Variants in SNAPC4 observed in about 807,000 individuals in gnomAD.
SNAPC4 encodes snRNA-activating protein complex subunit 4.
In SNAPC4, 127 loss-of-function variants were observed where a neutral mutation model predicts 151.3. The ratio of observed to expected loss-of-function variants is 0.84; its 90% confidence interval spans 0.73 to 0.97. The LOEUF (loss-of-function observed/expected upper bound fraction) is 0.97. Ranked by LOEUF, SNAPC4 falls within the 50% of genes least tolerant of loss-of-function variation. The pLI, the probability that SNAPC4 is intolerant of heterozygous loss-of-function variation, is 0.00. For synonymous variants in SNAPC4, 1,002 were observed against 824.4 expected (o/e 1.22, Z -3.69); for missense variants, 2,186 against 1,935.0 (o/e 1.13, Z -2.43).
intron 13 of SNAPC4, among the ~76,000 whole-genome samples, chr9:136,387,054 T>C (rs954460011): frequency 1.3e-5 from 2 of 152,236 alleles, no homozygotes; most frequent in African/African-American, 4.8e-5. Flanking sequence ...TTCGGAAATA[T>C]ACACTTTAAA....
At chr9:136,396,641 A>G (rs1284969679) in intron 3 of SNAPC4, among the ~76,000 whole-genome samples, 4 of 152,192 alleles carry the variant, frequency 2.6e-5, no homozygotes, top group Non-Finnish European at 4.4e-5. Context: ...GCTGCCCCAC[A>G]GGAATCTGAG....
chr9:136,379,922 C>T, intron 20 of SNAPC4, 58 bp from the exon 21 acceptor site: 1 of 1,548,740 alleles, frequency 6.5e-7, no homozygotes, highest in Non-Finnish European at 8.8e-7. Context: ...GCTTGGACCA[C>T]CTCTCCTAGC....
At chr9:136,380,308 G>C (rs1478610253) in intron 20 of SNAPC4, among the ~76,000 whole-genome samples, 1 of 152,086 alleles carries the variant, frequency 6.6e-6, no homozygotes, top group African/African-American at 2.4e-5. Context: ...AGGCGGGGGG[G>C]CTGGAAGCAC....
chr9:136,377,748 G>T lies in SNAPC4; in HGVS notation c.4079C>A (p.Ala1360Asp). Residue 1360 changes from alanine (A) to aspartate (D), a missense_variant, in exon 22 of 24, where the codon GCC becomes GAC. By Grantham distance (126) the Ala-to-Asp change is moderately radical. Transcript: ENST00000684778. ...GAACCGCGCCCGCAACAGGAGGTAG[G>T]CCGGGTTGTCCTGGAGCTGCCCCCG... ...LVRGQLQDNP[A>D]YLLLRARFLA... 6.2e-7 allele frequency: 1 copy of T among 1,610,526 alleles called. No homozygotes were observed. The highest frequency in any genetic ancestry group is 8.5e-7 in the Non-Finnish European group (1 of 1,178,546).
Position 136,382,180 on chromosome 9 carries a change from C to T in SNAPC4, c.2067+73G>A, listed in dbSNP as rs114163567. The stretch of plus-strand genomic sequence containing the variant: ...TCCACCCCCATCAGGGCATGATCGA[C>T]GGGGAGAGGAATCACTCAGACCAGG... On this transcript the variant is annotated intron_variant, in intron 17 of 23. Coordinates refer to ENST00000684778, the MANE Select transcript of SNAPC4 (RefSeq NM_003086.4). 2.0e-3 allele frequency: 3,114 copies of T among 1,591,870 alleles called. 53 individuals carry two copies. In the African/African-American group the frequency reaches 0.036, roughly 19 times the overall value.
At chr9:136,393,101 G>A (rs1834138318) in intron 7 of SNAPC4, among the ~76,000 whole-genome samples, 2 of 152,236 alleles carry the variant, frequency 1.3e-5, no homozygotes. Flanking sequence ...GCCGTAGGCA[G>A]ATATCCTGAC....
chr9:136,383,398 G>A lies in SNAPC4; in HGVS notation c.1771C>T (p.Leu591=). The A allele has an allele frequency of 6.3e-7, 1 of 1,579,744 alleles. No homozygotes were observed. Among genetic ancestry groups the A allele is most frequent in the South Asian group, 1.1e-5 (1 of 87,700 alleles). ...QPWRGGAGAW[L]GGPAASLSPP... The stretch of plus-strand genomic sequence containing the variant: ...CTGAGGGAGGCAGCGGGGCCTCCCA[G>A]CCAGGCCCCTGCCCCTCCTCTCCAT... Residue 591 remains leucine (L), a synonymous_variant, in exon 16 of 24, where the codon CTG becomes TTG. Coordinates refer to ENST00000684778, the MANE Select transcript of SNAPC4 (RefSeq NM_003086.4). The surrounding 1 kb of genome is among the most constrained non-coding windows in gnomAD (Gnocchi z 4.2).
intron 10 of SNAPC4, among the ~76,000 whole-genome samples, chr9:136,390,120 G>A (rs1467387115): frequency 6.6e-6 from 1 of 152,046 alleles, no homozygotes. Flanking sequence ...AAACGGACTC[G>A]ACACACCAGA....
chr9:136,384,002 G>GAT lies in SNAPC4; in HGVS notation c.1450_1451insAT (p.Pro484HisfsTer10). 6.2e-7 allele frequency: 1 copy of GAT among 1,613,752 alleles called. No homozygotes were observed. The highest frequency in any genetic ancestry group is 8.5e-7 in the Non-Finnish European group (1 of 1,179,966). ...CAGACACTGGGAGCCAGACCGATGG[G>GAT]GCAGCTCAGAAGCTATTTTTGCCCA... On this transcript the variant is annotated frameshift_variant, in exon 15 of 24. Transcript: ENST00000684778. LOFTEE classifies it high-confidence loss of function.
At chr9:136,388,047 C>T (rs1416629554) in intron 11 of SNAPC4, among the ~76,000 whole-genome samples, 199 bp from the exon 12 acceptor site, 3 of 152,166 alleles carry the variant, frequency 2.0e-5, no homozygotes, top group Non-Finnish European at 4.4e-5. Flanking sequence ...GCTGGCGGAT[C>T]ACCTAAGGTC....
chr9:136,378,516 C>T lies in SNAPC4; in HGVS notation c.3311G>A (p.Gly1104Asp), dbSNP rs754534087. 5.7e-6 allele frequency: 9 copies of T among 1,591,520 alleles called. No homozygotes were observed. In the East Asian group the frequency reaches 2.0e-4, roughly 36 times the overall value. The change falls in exon 22 of 24, where the codon GGC (glycine) becomes GAC (aspartate). Residue 1104 changes from glycine to aspartate, a missense_variant. Coordinates refer to ENST00000684778, the MANE Select transcript of SNAPC4 (RefSeq NM_003086.4). ...CAGAGTGGCCAGCAGCCCTGCGGGG[C>T]CAGGGGTCCCTGCTGGCCTGGGAAG... ...VSLPRPAGTP[G>D]PAGLLATLLP... is the part of the protein sequence containing the mutation.
Position 136,378,413 on chromosome 9 carries a change from GGCTGGGGGCTGCCAAGAGCTGCTCAAC to G in SNAPC4, c.3387_3413del (p.Leu1130_Ala1138del), listed in dbSNP as rs1833550435. 5.6e-6 allele frequency: 9 copies of G among 1,603,828 alleles called. No homozygotes were observed. Among genetic ancestry groups the G allele is most frequent in the Non-Finnish European group, 7.6e-6 (9 of 1,177,316 alleles). On this transcript the variant is annotated inframe_deletion, in exon 22 of 24. Coordinates refer to ENST00000684778, the MANE Select transcript of SNAPC4 (RefSeq NM_003086.4). ...AAGGCTCCGGTTCCCTGTTCATATTGGCTGGGGGCTGCCAAGAGCTGCTCAACGCTGGGGCCCTGGGGCCCTGGGCCG... is the reference window on the plus strand; with the variant it reads ...AAGGCTCCGGTTCCCTGTTCATATTGGCTGGGGCCCTGGGGCCCTGGGCCG...
chr9:136,393,375 C>T (rs1337905859), intron 7 of SNAPC4, among the ~76,000 whole-genome samples: 4 of 152,234 alleles, frequency 2.6e-5, no homozygotes, highest in African/African-American at 7.2e-5. Flanking sequence ...CTCATGGTGG[C>T]CCCACAGAAG....
In SNAPC4 at chr9:136,383,842, C is replaced by A; in HGVS notation, c.1500+111G>T. ...CCTTGGCCACCCAGAAGAAGAAATG[C>A]CAAGACCAGAAACCGAACGCCCCCC... On this transcript the variant is annotated intron_variant, in intron 15 of 23. Transcript: ENST00000684778. This position sits in a 1 kb window ranked among gnomAD's most constrained non-coding sequence, Gnocchi z 4.2. 2 of 1,344,664 alleles carry A rather than the reference C, an allele frequency of 1.5e-6. No homozygotes were observed. The highest frequency in any genetic ancestry group is 1.0e-6 in the Non-Finnish European group (1 of 953,436). The allele number at this position is 1,344,664 out of a possible 1,614,324, so 83.3% of individuals were successfully genotyped here. A position where few individuals can be genotyped will look rare whatever the true frequency, so the allele number is the denominator to read the frequency against.
chr9:136,382,107 C>T (rs1025354175), intron 17 of SNAPC4, 34 bp from the exon 18 acceptor site: 1 of 1,560,638 alleles, frequency 6.4e-7, no homozygotes, highest in Non-Finnish European at 8.7e-7. Flanking sequence ...GGGCCCATGG[C>T]CAGGCTCGGC....
chr9:136,379,151 A>C lies in SNAPC4; in HGVS notation c.2676T>G (p.Thr892=). The C allele has an allele frequency of 6.3e-7, 1 of 1,582,510 alleles. No individual in the cohort carries two copies. Among genetic ancestry groups the C allele is most frequent in the Non-Finnish European group, 8.6e-7 (1 of 1,165,338 alleles). The change falls in exon 22 of 24, where the codon ACT becomes ACG. Residue 892 remains threonine, a synonymous_variant. Coordinates refer to ENST00000684778, the MANE Select transcript of SNAPC4 (RefSeq NM_003086.4). ...ASTGPRPKPK[T]VSELLQEKRL... ...GCTTCTCCTGAAGCAGCTCCGACAC[A>C]GTCTTGGGCTTGGGCCGGGGGCCGG... is the stretch of plus-strand genomic sequence containing the variant.
chr9:136,392,214 T>G (rs1263594213), intron 9 of SNAPC4, 108 bp from the exon 10 acceptor site: 7 of 1,376,028 alleles, frequency 5.1e-6, no homozygotes, highest in Non-Finnish European at 1.0e-6. Context: ...CTTCCACGGC[T>G]GCAAGTAAGC....
At chr9:136,395,562 G>A in intron 4 of SNAPC4, 41 bp downstream of exon 4, 1 of 1,583,778 alleles carries the variant, frequency 6.3e-7, no homozygotes, top group Non-Finnish European at 8.6e-7. Flanking sequence ...GGCTCTGGGG[G>A]TGGGGAGGTG....
At position 136,387,804 on chromosome 9, in the gene SNAPC4, G is replaced by A. The variant is rs757313796; in HGVS notation, c.1168C>T (p.Arg390Ter). ...EGRDSMQLIY[R>*]WTKSLDPGLK... The stretch of plus-strand genomic sequence containing the variant: ...CCAGGATCCAAGCTCTTGGTCCATC[G>A]GTAGATCAGCTGCATGGAGTCTCTC... The change falls in exon 12 of 24, where the codon CGA becomes TGA. Residue 390 changes from arginine to a stop codon, truncating the protein, a stop_gained. Coordinates refer to ENST00000684778, the MANE Select transcript of SNAPC4 (RefSeq NM_003086.4). LOFTEE classifies it high-confidence loss of function. The A allele has an allele frequency of 4.3e-6, 7 of 1,612,532 alleles. No homozygotes were observed. Among genetic ancestry groups the A allele is most frequent in the Admixed American group, 1.7e-5 (1 of 59,996 alleles).
Sources: allele counts gnomAD v4.1 joint callset (sites outside exome capture counted in the v4.1 genomes callset), GRCh38; gene constraint gnomAD v4.1.1; non-coding constraint Gnocchi (gnomAD v3.1); transcripts MANE v1.5; gene names NCBI Gene and HGNC (gene_info 2026-07-23, HGNC 2026-07-21).